The following SRPK2 variants were observed in gnomAD, a reference collection of about 807,000 sequenced individuals.
SRPK2 encodes the protein SRSF protein kinase 2, also known as SFRS protein kinase 2.
Under a neutral mutation model 90.8 loss-of-function variants are expected in SRPK2, and 21 were observed. The observed-to-expected ratio is 0.23, with a 90% CI of 0.16 to 0.33. The LOEUF is 0.33. SRPK2 is among the 10% of genes least tolerant of loss of function. SRPK2 has a pLI of 1.00. For synonymous variants in SRPK2, 288 were observed against 311.1 expected (o/e 0.93, Z 0.78); for missense variants, 620 against 869.0 (o/e 0.71, Z 3.60).
At chr7:105,281,411 G>A (rs910560870) in intron 2 of SRPK2, among the ~76,000 whole-genome samples, 2 of 151,970 alleles carry the variant, frequency 1.3e-5, no homozygotes, top group Non-Finnish European at 2.9e-5. Context: ...ACTTTCAACT[G>A]CAAAAACCGC....
chr7:105,235,771 A>G (rs1232159725), intron 2 of SRPK2, among the ~76,000 whole-genome samples: 1 of 152,232 alleles, frequency 6.6e-6, no homozygotes, highest in Non-Finnish European at 1.5e-5. Flanking sequence ...AAATTACCTA[A>G]AACTAACAAA....
chr7:105,258,845 G>A (rs561521519), intron 2 of SRPK2, among the ~76,000 whole-genome samples: 15 of 152,280 alleles, frequency 9.9e-5, no homozygotes, highest in African/African-American at 3.1e-4. Flanking sequence ...AGCCCTTCAT[G>A]CTAAAAACGC....
At chr7:105,327,570 C>T (rs1485579096) in intron 2 of SRPK2, among the ~76,000 whole-genome samples, 1 of 152,162 alleles carries the variant, frequency 6.6e-6, no homozygotes, top group Non-Finnish European at 1.5e-5. Flanking sequence ...ACTTTACACC[C>T]CATTTTGAGA....
At chr7:105,293,009 G>A (rs779312021) in intron 2 of SRPK2, among the ~76,000 whole-genome samples, 1 of 152,128 alleles carries the variant, frequency 6.6e-6, no homozygotes, top group African/African-American at 2.4e-5. Flanking sequence ...TTGGCCAGGC[G>A]TGGTGGCTCA....
At chr7:105,233,814 A>G (rs1799810892) in intron 2 of SRPK2, among the ~76,000 whole-genome samples, 1 of 152,146 alleles carries the variant, frequency 6.6e-6, no homozygotes, top group Non-Finnish European at 1.5e-5. Context: ...GAGCCAATGC[A>G]CTCCAGCAGC....
chr7:105,373,061 C>T (rs2132482078), intron 2 of SRPK2, among the ~76,000 whole-genome samples: 1 of 152,236 alleles, frequency 6.6e-6, no homozygotes, highest in Admixed American at 6.6e-5. Context: ...TGCTCTCTAG[C>T]CTCAGCGACA....
chr7:105,274,527 A>C (rs1806233402), intron 2 of SRPK2, among the ~76,000 whole-genome samples: 1 of 151,932 alleles, frequency 6.6e-6, no homozygotes, highest in Non-Finnish European at 1.5e-5. Context: ...ACACCACTGC[A>C]CTCCAAGCTG....
intron 2 of SRPK2, among the ~76,000 whole-genome samples, chr7:105,279,680 A>G (rs1807005890): frequency 6.6e-6 from 1 of 152,274 alleles, no homozygotes. Context: ...TTCTAATTTT[A>G]TTAGCCTCAC....
upstream of SRPK2, among the ~76,000 whole-genome samples, chr7:105,393,523 T>C (rs1822238588): frequency 6.6e-6 from 1 of 151,452 alleles, no homozygotes; most frequent in African/African-American, 2.4e-5. Context: ...CTTTCTTTGT[T>C]TCTGGCTTGT....
At chr7:105,168,164 G>A in intron 4 of SRPK2, 69 bp from the exon 5 acceptor site, 1 of 1,285,962 alleles carries the variant, frequency 7.8e-7, no homozygotes, top group Non-Finnish European at 1.1e-6. Context: ...TGGTATCCAG[G>A]TTGAGCATCC....
chr7:105,340,574 G>A (rs1238295516), intron 2 of SRPK2, among the ~76,000 whole-genome samples: 2 of 151,804 alleles, frequency 1.3e-5, no homozygotes, highest in Non-Finnish European at 2.9e-5. Context: ...ACCACGCCCA[G>A]CTAAGTTTTT....
Position 105,250,748 on chromosome 7 carries a change from T to C in SRPK2, c.72-46963A>G, listed in dbSNP as rs541813289. 2.5e-4 allele frequency among the ~76,000 whole-genome samples: 38 copies of C among 152,348 alleles called. 1 individual carries two copies. Among genetic ancestry groups the C allele is most frequent in the Admixed American group, 1.9e-3 (29 of 15,304 alleles). The stretch of plus-strand genomic sequence containing the variant: ...AGCTCTTCTCCAAATTCATCATGAA[T>C]ATCTGGTCCAAAGAATCGGAAAACC... On this transcript the variant is annotated intron_variant, in intron 2 of 15. Coordinates refer to ENST00000393651, the MANE Select transcript of SRPK2 (RefSeq NM_182692.3).
chr7:105,198,537 G>A (rs1795185491), intron 3 of SRPK2, among the ~76,000 whole-genome samples: 1 of 152,158 alleles, frequency 6.6e-6, no homozygotes, highest in South Asian at 2.1e-4. Context: ...AAGATAGGCA[G>A]TGCTGACAGC....
At chr7:105,184,238 C>T (rs1585093381) in intron 3 of SRPK2, among the ~76,000 whole-genome samples, 1 of 151,904 alleles carries the variant, frequency 6.6e-6, no homozygotes, top group African/African-American at 2.4e-5. Flanking sequence ...CTTGGCCTCT[C>T]AAAGTGCTGG....
At chr7:105,303,859 G>GA (rs1470675121) in intron 2 of SRPK2, among the ~76,000 whole-genome samples, 1 of 152,174 alleles carries the variant, frequency 6.6e-6, no homozygotes, top group Non-Finnish European at 1.5e-5. Context: ...AAAAGCTAGT[G>GA]AAAACGTTTG....
chr7:105,199,891 T>A (rs1795332692), intron 3 of SRPK2, among the ~76,000 whole-genome samples: 2 of 81,364 alleles, frequency 2.5e-5, no homozygotes. Flanking sequence ...TATTATTGTT[T>A]AATTTAAAAA....
At chr7:105,314,114 T>G (rs1428598997) in intron 2 of SRPK2, among the ~76,000 whole-genome samples, 1 of 152,002 alleles carries the variant, frequency 6.6e-6, no homozygotes, top group Non-Finnish European at 1.5e-5. Flanking sequence ...GCCGGTAATT[T>G]GAGGCCAGGA....
chr7:105,115,610 A>G (rs1799574195), downstream of SRPK2: 1 of 152,196 alleles, frequency 6.6e-6, no homozygotes, highest in African/African-American at 2.4e-5. Context: ...ATTCTTTATC[A>G]ACAAGCCGCC....
intron 3 of SRPK2, among the ~76,000 whole-genome samples, chr7:105,179,760 G>A (rs71562645): frequency 7.1e-6 from 1 of 141,596 alleles, no homozygotes; most frequent in Non-Finnish European, 1.5e-5. Context: ...AGGAGGCAGA[G>A]GTTGCAGTGA....
Sources: allele counts gnomAD v4.1 joint callset (sites outside exome capture counted in the v4.1 genomes callset), GRCh38; gene constraint gnomAD v4.1.1; transcripts MANE v1.5; gene names NCBI Gene and HGNC (gene_info 2026-07-23, HGNC 2026-07-21).